The following CPS1 variants were observed in gnomAD, a reference collection of about 807,000 sequenced individuals.
CPS1 encodes the protein carbamoyl-phosphate synthase [ammonia], mitochondrial.
CPS1 carries 109 observed loss-of-function variants against 174.6 expected under a neutral mutation model. The ratio of observed to expected loss-of-function variants is 0.62; its 90% CI spans 0.53 to 0.73. The LOEUF is 0.73. CPS1 is among the 30% of genes least tolerant of loss of function. CPS1 has a pLI of 0.00. For missense variants in CPS1, 1,689 were observed against 1,821.9 expected, an observed-to-expected ratio of 0.93 and a Z score of 1.33; for synonymous variants, 637 against 632.0, an observed-to-expected ratio of 1.01 and a Z score of -0.12.
intron 25 of CPS1, among the ~76,000 whole-genome samples, chr2:210,646,438 G>GT (rs2105906062): frequency 6.6e-6 from 1 of 152,248 alleles, no homozygotes; most frequent in East Asian, 1.9e-4. Context: ...CAGGGTGTTT[G>GT]TTTAGTTACA....
chr2:210,658,283 C>A (rs1404007672), intron 30 of CPS1: 11 of 346,534 alleles, frequency 3.2e-5, no homozygotes, highest in Non-Finnish European at 5.6e-5. Context: ...GCTAAGGCAA[C>A]TAGACTGAAA....
At chr2:210,551,832 A>G (rs1696739155), upstream of CPS1, among the ~76,000 whole-genome samples, 1 of 152,002 alleles carries the variant, frequency 6.6e-6, no homozygotes, top group South Asian at 2.1e-4. Context: ...TTGAACCCTC[A>G]TCATCTAACA....
intron 18 of CPS1, 122 bp downstream of exon 18, chr2:210,607,063 T>G (rs1244510614): frequency 9.4e-6 from 8 of 853,532 alleles, no homozygotes; most frequent in Non-Finnish European, 1.5e-5. Context: ...GTATGTTAGC[T>G]CCAAATCATT....
intron 1 of CPS1, among the ~76,000 whole-genome samples, chr2:210,494,170 A>G (rs1339981978): frequency 6.6e-6 from 1 of 152,218 alleles, no homozygotes; most frequent in African/African-American, 2.4e-5. Flanking sequence ...GTAAGCTGTG[A>G]CAATGTTAAT....
chr2:210,608,464 C>A lies in CPS1; in HGVS notation c.2296C>A (p.Leu766Met). 6.2e-7 allele frequency: 1 copy of A among 1,612,490 alleles called. No homozygotes were observed. Among genetic ancestry groups the A allele is most frequent in the South Asian group, 1.1e-5 (1 of 91,054 alleles). The change falls in exon 19 of 38, where the codon CTG (leucine) becomes ATG (methionine). Residue 766 changes from leucine to methionine, a missense_variant. Physicochemically the swap from Leu to Met is conservative, Grantham distance 15 (BLOSUM62 2). Transcript: ENST00000233072. ...GACATCAGCCTGTTTTGAACCTAGCCTGGATTACATGGTCACCAAGATTCC... is the reference window on the plus strand; with the variant it reads ...GACATCAGCCTGTTTTGAACCTAGCATGGATTACATGGTCACCAAGATTCC... ...GKTSACFEPS[L>M]DYMVTKIPRW...
rs190963177 is a variant in CPS1 at position 210,479,526 on chromosome 2, A to G, written c.3+1760A>G. Among the ~76,000 whole-genome samples, 398 of 152,104 alleles carry G rather than the reference A, an allele frequency of 2.6e-3. 1 individual carries two copies. Among genetic ancestry groups the G allele is most frequent in the African/African-American group, 8.7e-3 (359 of 41,500 alleles). ...GTATTTTCAGTAGAGACGGGGTTTCACCATGTTGGCCAGGCTGGTCTTGAA... is the reference window on the plus strand; with the variant it reads ...GTATTTTCAGTAGAGACGGGGTTTCGCCATGTTGGCCAGGCTGGTCTTGAA... On this transcript the variant is annotated intron_variant, in intron 1 of 38. Coordinates refer to the CPS1 transcript ENST00000430249.
Position 210,600,644 on chromosome 2 carries a change from A to T in CPS1, c.1639A>T (p.Arg547Trp), listed in dbSNP as rs778818486. 6.2e-7 allele frequency: 1 copy of T among 1,612,364 alleles called. No homozygotes were observed. The highest frequency in any genetic ancestry group is 1.1e-5 in the South Asian group (1 of 91,040). Residue 547 changes from arginine to tryptophan, a missense_variant, in exon 15 of 38, where the codon AGG becomes TGG. Transcript: ENST00000233072. ...SVESIMATED[R>W]QLFSDKLNEI... ...TGAGTCCATTATGGCTACGGAAGAC[A>T]GGCAGCTGTTTTCAGATAAACTAAA...
chr2:210,515,648 C>T (rs916860293), intron 1 of CPS1, among the ~76,000 whole-genome samples: 2 of 151,568 alleles, frequency 1.3e-5, no homozygotes, highest in South Asian at 4.1e-4. Context: ...TTCAAAGAAC[C>T]CACTTTTAGT....
intron 1 of CPS1, among the ~76,000 whole-genome samples, chr2:210,507,943 C>T (rs1392321010): frequency 6.6e-6 from 1 of 151,752 alleles, no homozygotes; most frequent in Non-Finnish European, 1.5e-5. Context: ...ACTTTAACAC[C>T]CCACTGTCAA....
chr2:210,488,208 G>GA (rs985571236), intron 1 of CPS1, among the ~76,000 whole-genome samples: 2 of 149,612 alleles, frequency 1.3e-5, no homozygotes, highest in Admixed American at 6.7e-5. Context: ...AAGGTTAGAA[G>GA]AAAAAAAAAG....
chr2:210,609,824 A>T (rs545319118), intron 19 of CPS1, among the ~76,000 whole-genome samples: 140 of 152,084 alleles, frequency 9.2e-4, no homozygotes, highest in Non-Finnish European at 1.8e-3. Context: ...GCATGTCACT[A>T]ATCACAGAAA....
At chr2:210,667,102 G>A (rs567293264) in intron 33 of CPS1, among the ~76,000 whole-genome samples, 2 of 152,194 alleles carry the variant, frequency 1.3e-5, no homozygotes, top group East Asian at 3.9e-4. Context: ...GTGAATGGGA[G>A]TTCCCTCATG....
chr2:210,653,208 G>C (rs1195693491), intron 28 of CPS1, among the ~76,000 whole-genome samples: 10 of 152,230 alleles, frequency 6.6e-5, no homozygotes, highest in Admixed American at 6.5e-4. Context: ...TGCAGGGCCT[G>C]GTAAAAAGAC....
intron 1 of CPS1, among the ~76,000 whole-genome samples, chr2:210,512,045 A>C (rs1248022381): frequency 1.3e-5 from 2 of 152,024 alleles, no homozygotes; most frequent in Non-Finnish European, 2.9e-5. Flanking sequence ...GTTGGACATC[A>C]TTAAAAGTGA....
chr2:210,485,123 C>T (rs192609442), intron 1 of CPS1, among the ~76,000 whole-genome samples: 60 of 150,862 alleles, frequency 4.0e-4, no homozygotes, highest in East Asian at 1.8e-3. Flanking sequence ...CCCAACTACT[C>T]GGGAGGCTGA....
chr2:210,642,400 T>C, intron 24 of CPS1, 84 bp from the exon 25 acceptor site: 1 of 1,494,118 alleles, frequency 6.7e-7, no homozygotes, highest in Non-Finnish European at 9.3e-7. Context: ...TAGCCTGGAC[T>C]GACTGGTGAT....
chr2:210,550,728 C>A (rs955162871), intron 1 of CPS1, among the ~76,000 whole-genome samples: 1 of 151,796 alleles, frequency 6.6e-6, no homozygotes, highest in Non-Finnish European at 1.5e-5. Flanking sequence ...TATATAGATG[C>A]AGATAATATA....
chr2:210,630,440 T>A (rs916889518), intron 21 of CPS1, among the ~76,000 whole-genome samples: 14 of 152,236 alleles, frequency 9.2e-5, no homozygotes, highest in Admixed American at 3.3e-4. Context: ...AATATAGTTT[T>A]AAGTATGCCA....
At chr2:210,535,925 T>G (rs552485998) in intron 1 of CPS1, among the ~76,000 whole-genome samples, 1 of 147,110 alleles carries the variant, frequency 6.8e-6, no homozygotes, top group South Asian at 2.4e-4. Context: ...GCTGCCCACC[T>G]ACAGACCATC....
Sources: gnomAD v4.1 joint callset for allele counts (sites outside exome capture counted in the v4.1 genomes callset) on GRCh38, gnomAD v4.1.1 for gene constraint, MANE v1.5 for transcripts, NCBI Gene and HGNC (gene_info 2026-07-23, HGNC 2026-07-21) for gene names.